The following ONECUT2 variants were observed in gnomAD, a reference collection of about 807,000 sequenced individuals.
The protein encoded by ONECUT2 is one cut domain family member 2.
A neutral mutation model predicts 27.9 loss-of-function variants in ONECUT2; 10 were observed. The observed-to-expected ratio is 0.36, with a 90% CI of 0.22 to 0.61. The LOEUF (loss-of-function observed/expected upper bound fraction) is 0.61, where lower values mean the gene tolerates loss of function less well. Among genes scored for constraint, ONECUT2 ranks in the 20% least tolerant of loss-of-function variants. The pLI, the probability that ONECUT2 is intolerant of heterozygous loss-of-function variation, is 0.73. For missense variants in ONECUT2, 686 were observed against 721.0 expected (o/e 0.95, Z 0.56); for synonymous variants, 334 against 315.1 (o/e 1.06, Z -0.64).
chr18:57,436,864 C>T lies in ONECUT2; in HGVS notation c.1148C>T (p.Ser383Phe). ...CCAAAACCGTGGAGTAAACTCAAAT[C>T]TGGCAGGGAGACCTTCCGCAGGATG... ...RNPKPWSKLK[S>F]GRETFRRMWK... The change falls in exon 1 of 2, where the codon TCT (serine) becomes TTT (phenylalanine). Residue 383 changes from serine to phenylalanine, a missense_variant. Physicochemically the swap from Ser to Phe is radical, Grantham distance 155. Coordinates refer to ENST00000491143, the MANE Select transcript of ONECUT2 (RefSeq NM_004852.3). The surrounding 1 kb of genome is among the most constrained non-coding windows in gnomAD (Gnocchi z 5.9). The T allele has an allele frequency of 6.2e-7, 1 of 1,613,876 alleles. No individual in the cohort carries two copies. Among genetic ancestry groups the T allele is most frequent in the Non-Finnish European group, 8.5e-7 (1 of 1,180,034 alleles).
chr18:57,472,312 G>A (rs1259842992), intron 1 of ONECUT2, among the ~76,000 whole-genome samples: 2 of 152,168 alleles, frequency 1.3e-5, no homozygotes, highest in East Asian at 1.9e-4. Context: ...TCCACAGCCC[G>A]GGTCTGAGGA....
chr18:57,438,282 C>G (rs768822504), intron 1 of ONECUT2, among the ~76,000 whole-genome samples: 3 of 152,252 alleles, frequency 2.0e-5, no homozygotes, highest in South Asian at 2.1e-4. Context: ...TATGGCAAGC[C>G]AGGGTGGGCG....
intron 1 of ONECUT2, among the ~76,000 whole-genome samples, chr18:57,447,370 C>G (rs774155938): frequency 6.6e-6 from 1 of 152,246 alleles, no homozygotes; most frequent in Non-Finnish European, 1.5e-5. Context: ...AAGAGCCTGA[C>G]CAGTATCTCC....
chr18:57,446,501 A>G (rs940468461), intron 1 of ONECUT2, among the ~76,000 whole-genome samples: 7 of 152,264 alleles, frequency 4.6e-5, no homozygotes, highest in East Asian at 1.9e-4. Flanking sequence ...GAGCACAGTC[A>G]GGGCTTCCAC....
intron 1 of ONECUT2, among the ~76,000 whole-genome samples, chr18:57,449,151 T>A (rs768285757): frequency 3.0e-4 from 46 of 152,196 alleles, no homozygotes; most frequent in Admixed American, 1.1e-3. Flanking sequence ...GTCCCTGCTT[T>A]TGTGAAGTTT....
chr18:57,471,774 A>G (rs1451371700), intron 1 of ONECUT2, among the ~76,000 whole-genome samples: 1 of 152,214 alleles, frequency 6.6e-6, no homozygotes, highest in Non-Finnish European at 1.5e-5. Flanking sequence ...AAGTGGGGAA[A>G]GGTAGCCTTA....
At chr18:57,472,191 A>G (rs1275809782) in intron 1 of ONECUT2, among the ~76,000 whole-genome samples, 5 of 152,160 alleles carry the variant, frequency 3.3e-5, no homozygotes, top group African/African-American at 1.2e-4. Context: ...GGAGGGAGCT[A>G]TTGACACTTT....
At chr18:57,438,619 G>T (rs971829427) in intron 1 of ONECUT2, among the ~76,000 whole-genome samples, 12 of 152,184 alleles carry the variant, frequency 7.9e-5, no homozygotes, top group African/African-American at 2.4e-4. Context: ...GTCTGCTGGT[G>T]GATTCCTATT....
chr18:57,474,501 C>T (rs549842157), intron 1 of ONECUT2, among the ~76,000 whole-genome samples: 2 of 152,150 alleles, frequency 1.3e-5, no homozygotes, highest in African/African-American at 2.4e-5. Context: ...CAGCGTCAGG[C>T]GATAGTCTGT....
At chr18:57,441,802 G>T (rs905428257) in intron 1 of ONECUT2, among the ~76,000 whole-genome samples, 10 of 152,272 alleles carry the variant, frequency 6.6e-5, no homozygotes. Flanking sequence ...TTACGCAGGT[G>T]CATTCGTTGG....
At position 57,486,702 on chromosome 18, in the gene ONECUT2, T is replaced by C. The variant is rs2050440514; in HGVS notation, c.*9979T>C. On this transcript the variant is annotated 3_prime_UTR_variant, in exon 2 of 2. Coordinates refer to ENST00000491143, the MANE Select transcript of ONECUT2 (RefSeq NM_004852.3). ...GCTTAAAAAGAAAATGTATGTTTTT[T>C]TCCCCCTTTGGATTTTATTTATGCT... 6.5e-6 allele frequency: 1 copy of C among 152,672 alleles called. No homozygotes were observed. The highest frequency in any genetic ancestry group is 1.5e-5 in the Non-Finnish European group (1 of 68,052). 9.5% of individuals were successfully genotyped at this position (152,672 alleles called of 1,614,324 possible).
At chr18:57,462,567 G>GT (rs1173398019) in intron 1 of ONECUT2, among the ~76,000 whole-genome samples, 1 of 151,698 alleles carries the variant, frequency 6.6e-6, no homozygotes, top group Non-Finnish European at 1.5e-5. Context: ...TCTTAAAATT[G>GT]TTTTTTGTAG....
chr18:57,464,625 C>A (rs2050310691), intron 1 of ONECUT2, among the ~76,000 whole-genome samples: 1 of 152,162 alleles, frequency 6.6e-6, no homozygotes, highest in Non-Finnish European at 1.5e-5. Flanking sequence ...CTATATTATT[C>A]ACATAAAGAT....
chr18:57,459,299 A>G (rs2050277244), intron 1 of ONECUT2, among the ~76,000 whole-genome samples: 1 of 152,232 alleles, frequency 6.6e-6, no homozygotes, highest in Non-Finnish European at 1.5e-5. Context: ...TATCAGATAA[A>G]ATAGACTACA....
At chr18:57,437,143 T>C (rs2050147138) in intron 1 of ONECUT2, among the ~76,000 whole-genome samples, 199 bp downstream of exon 1, 1 of 152,186 alleles carries the variant, frequency 6.6e-6, no homozygotes, top group African/African-American at 2.4e-5. Context: ...CCCTTCTCCC[T>C]TTTCTTTTTC....
At chr18:57,454,398 T>C (rs1340711970) in intron 1 of ONECUT2, among the ~76,000 whole-genome samples, 1 of 152,182 alleles carries the variant, frequency 6.6e-6, no homozygotes, top group Non-Finnish European at 1.5e-5. Flanking sequence ...GCATTGTCAA[T>C]GACAGCATGA....
chr18:57,486,161 C>G lies in ONECUT2; in HGVS notation c.*9438C>G, dbSNP rs2122167460. ...ACCTCTCCTCAGCAATCCCCCCAGC[C>G]TCATGCTTCACTTGCAAAGTGTGAC... is the stretch of plus-strand genomic sequence containing the variant. On this transcript the variant is annotated 3_prime_UTR_variant, in exon 2 of 2. Transcript: ENST00000491143. 6.5e-6 allele frequency: 1 copy of G among 152,934 alleles called. No homozygotes were observed. The highest frequency in any genetic ancestry group is 1.9e-4 in the East Asian group (1 of 5,190). The allele number at this position is 152,934 out of a possible 1,614,324, so 9.5% of individuals were successfully genotyped here.
chr18:57,440,470 C>G (rs894827128), intron 1 of ONECUT2, among the ~76,000 whole-genome samples: 3 of 152,248 alleles, frequency 2.0e-5, no homozygotes, highest in Non-Finnish European at 4.4e-5. Context: ...GAGCCCGGAT[C>G]CCCCAGCGGC....
chr18:57,476,704 G>T lies in ONECUT2; in HGVS notation c.1496G>T (p.Ser499Ile). ...ACAGGGGGCTCCTCGTCCACCTCCA[G>T]CACGTGTACCAAAGCATGATGGAAG... is the stretch of plus-strand genomic sequence containing the variant. ...LSTGGSSSTSSTCTKA is the reference protein window; with the variant it reads ...LSTGGSSSTSITCTKA Residue 499 changes from serine (S) to isoleucine (I), a missense_variant, in exon 2 of 2, where the codon AGC becomes ATC. Transcript: ENST00000491143. 6.2e-7 allele frequency: 1 copy of T among 1,614,068 alleles called. No individual in the cohort carries two copies. The highest frequency in any genetic ancestry group is 8.5e-7 in the Non-Finnish European group (1 of 1,180,020).
Sources: allele counts gnomAD v4.1 joint callset (sites outside exome capture counted in the v4.1 genomes callset), GRCh38; gene constraint gnomAD v4.1.1; non-coding constraint Gnocchi (gnomAD v3.1); transcripts MANE v1.5; gene names NCBI Gene and HGNC (gene_info 2026-07-23, HGNC 2026-07-21).